Variants in HMBOX1 observed in about 807,000 individuals in gnomAD.
The protein encoded by HMBOX1 is homeobox containing 1.
Under a neutral mutation model 54.5 loss-of-function variants are expected in HMBOX1, and 14 were observed. That is an observed-to-expected ratio of 0.26 (90% confidence interval 0.17 to 0.40). HMBOX1 has a LOEUF of 0.40. Ranked by LOEUF, HMBOX1 falls within the 10% of genes least tolerant of loss-of-function variation. The pLI is 1.00. For missense variants in HMBOX1, 332 were observed against 514.4 expected (o/e 0.65, Z 3.43); for synonymous variants, 160 against 181.0 (o/e 0.88, Z 0.93).
chr8:29,028,714 C>G (rs1019149236), intron 6 of HMBOX1, among the ~76,000 whole-genome samples: 1 of 152,178 alleles, frequency 6.6e-6, no homozygotes, highest in African/African-American at 2.4e-5. Context: ...TCTTCTGACT[C>G]TGAACTATGC....
intron 6 of HMBOX1, among the ~76,000 whole-genome samples, chr8:29,021,429 G>GGGAC (rs1801137134): frequency 6.6e-6 from 1 of 151,632 alleles, no homozygotes; most frequent in Non-Finnish European, 1.5e-5. Flanking sequence ...GCTGAGCAAA[G>GGGAC]TAAAAGACAA....
At chr8:29,050,141 C>T in intron 9 of HMBOX1, 1 of 613,742 alleles carries the variant, frequency 1.6e-6, no homozygotes, top group Non-Finnish European at 2.0e-6. Flanking sequence ...TCATTTCCAT[C>T]TTTTTTTACA....
intron 5 of HMBOX1, among the ~76,000 whole-genome samples, chr8:29,013,746 C>G (rs921904432): frequency 6.6e-6 from 1 of 152,166 alleles, no homozygotes; most frequent in African/African-American, 2.4e-5. Context: ...AAAGTGAGTG[C>G]TAAATTCAGG....
At chr8:29,007,468 G>C (rs1461914668) in intron 4 of HMBOX1, among the ~76,000 whole-genome samples, 1 of 152,118 alleles carries the variant, frequency 6.6e-6, no homozygotes. Flanking sequence ...TGAATTATTT[G>C]AGAATATAAT....
intron 4 of HMBOX1, among the ~76,000 whole-genome samples, chr8:29,001,963 A>G (rs1262511089): frequency 6.6e-6 from 1 of 152,170 alleles, no homozygotes; most frequent in African/African-American, 2.4e-5. Context: ...GAATGTGGAG[A>G]TGGGGGAACT....
intron 4 of HMBOX1, among the ~76,000 whole-genome samples, chr8:28,995,248 A>C (rs1335977175): frequency 3.3e-5 from 5 of 152,194 alleles, no homozygotes; most frequent in Admixed American, 2.6e-4. Context: ...CGGACATTTC[A>C]TAAGATAGAA....
chr8:28,935,615 T>G (rs1236004195), intron 1 of HMBOX1, among the ~76,000 whole-genome samples: 2 of 152,280 alleles, frequency 1.3e-5, no homozygotes, highest in East Asian at 3.9e-4. Context: ...GAAGAAAATG[T>G]AACTTTGCTA....
At chr8:28,934,045 A>G (rs1279826797) in intron 1 of HMBOX1, among the ~76,000 whole-genome samples, 5 of 152,238 alleles carry the variant, frequency 3.3e-5, no homozygotes, top group African/African-American at 1.2e-4. Context: ...TTAGAAACAT[A>G]TGCAGAAATC....
chr8:28,951,862 G>T (rs1409558168), intron 1 of HMBOX1, among the ~76,000 whole-genome samples: 1 of 152,148 alleles, frequency 6.6e-6, no homozygotes, highest in Non-Finnish European at 1.5e-5. Flanking sequence ...TCTGAAGAAG[G>T]CAGTCAAGAT....
chr8:29,050,237 T>TC (rs751219191), intron 9 of HMBOX1: 57 of 984,644 alleles, frequency 5.8e-5, no homozygotes, highest in Non-Finnish European at 6.9e-5. Context: ...GATACGGAGT[T>TC]CCCCTGAAGA....
At chr8:29,046,134 A>G (rs1805530386) in intron 7 of HMBOX1, among the ~76,000 whole-genome samples, 1 of 152,254 alleles carries the variant, frequency 6.6e-6, no homozygotes. Flanking sequence ...TAAAGGCTAC[A>G]TACAAAAGTA....
chr8:29,006,993 A>G (rs566352433), intron 4 of HMBOX1, among the ~76,000 whole-genome samples: 19 of 152,068 alleles, frequency 1.2e-4, no homozygotes, highest in Non-Finnish European at 2.2e-4. Context: ...TTCACCCTTT[A>G]AAAATGCAGT....
intron 4 of HMBOX1, among the ~76,000 whole-genome samples, chr8:28,988,566 C>G (rs905798979): frequency 2.0e-5 from 3 of 152,238 alleles, no homozygotes; most frequent in African/African-American, 7.2e-5. Flanking sequence ...TGAGGTCTTA[C>G]TGCTCTGCAT....
At chr8:28,950,234 C>T (rs1039338406) in intron 1 of HMBOX1, among the ~76,000 whole-genome samples, 4 of 152,064 alleles carry the variant, frequency 2.6e-5, no homozygotes, top group African/African-American at 7.2e-5. Flanking sequence ...TCTTAGAAGC[C>T]GTTTAAAAAT....
intron 1 of HMBOX1, among the ~76,000 whole-genome samples, chr8:28,935,020 C>G (rs537623261): frequency 1.3e-5 from 2 of 151,902 alleles, no homozygotes; most frequent in African/African-American, 2.4e-5. Flanking sequence ...ATAACATTGC[C>G]ACTTATAGTG....
chr8:28,934,958 TA>T (rs1820144669), intron 1 of HMBOX1, among the ~76,000 whole-genome samples: 1 of 152,190 alleles, frequency 6.6e-6, no homozygotes, highest in Admixed American at 6.5e-5. Context: ...AAATCATTTT[TA>T]GTTCTGTACA....
At chr8:29,026,156 AT>A (rs1390993472) in intron 6 of HMBOX1, among the ~76,000 whole-genome samples, 1 of 151,880 alleles carries the variant, frequency 6.6e-6, no homozygotes, top group Non-Finnish European at 1.5e-5. Context: ...TTGGTGCATC[AT>A]TCATATATAT....
chr8:28,964,265 G>A (rs184253192), intron 2 of HMBOX1, among the ~76,000 whole-genome samples: 1 of 152,116 alleles, frequency 6.6e-6, no homozygotes, highest in Non-Finnish European at 1.5e-5. Flanking sequence ...GCAGACTACT[G>A]GAAGCATACA....
intron 2 of HMBOX1, among the ~76,000 whole-genome samples, chr8:28,965,380 G>T (rs886613630): frequency 1.3e-5 from 2 of 152,178 alleles, no homozygotes; most frequent in African/African-American, 4.8e-5. Flanking sequence ...CATACAAAGA[G>T]AATTTTTTCT....
Sources: allele counts gnomAD v4.1 joint callset (sites outside exome capture counted in the v4.1 genomes callset), GRCh38; gene constraint gnomAD v4.1.1; transcripts MANE v1.5; gene names NCBI Gene and HGNC (gene_info 2026-07-23, HGNC 2026-07-21).